Variants in CHST8 observed in about 807,000 individuals in gnomAD.
CHST8 encodes the protein carbohydrate sulfotransferase 8.
Under a neutral mutation model 15.0 loss-of-function variants are expected in CHST8, and 10 were observed. That is an observed-to-expected ratio of 0.67 (90% CI 0.41 to 1.13). The LOEUF is 1.13. CHST8 is among the 50% of genes most tolerant of loss of function. CHST8 has a pLI of 0.00. For missense variants in CHST8, 634 were observed against 608.2 expected (o/e 1.04, Z -0.45); for synonymous variants, 259 against 256.6 (o/e 1.01, Z -0.09).
At chr19:33,707,771 TTAGGAG>T (rs1466024552) in intron 3 of CHST8, among the ~76,000 whole-genome samples, 7 of 152,184 alleles carry the variant, frequency 4.6e-5, no homozygotes, top group Non-Finnish European at 7.3e-5. Flanking sequence ...GGGTAAATAT[TTAGGAG>T]TAGAATGGCT....
chr19:33,748,137 A>C (rs1005005685), intron 3 of CHST8, among the ~76,000 whole-genome samples: 1 of 152,190 alleles, frequency 6.6e-6, no homozygotes, highest in African/African-American at 2.4e-5. Context: ...GGCTGTTCGC[A>C]CTGTCTGATC....
At chr19:33,677,379 G>A (rs113317413) in intron 2 of CHST8, among the ~76,000 whole-genome samples, 2,648 of 152,308 alleles carry the variant, frequency 0.017, 36 homozygotes, top group African/African-American at 0.041. Context: ...CAGGATGGTA[G>A]AAAAGAGGCT....
intron 1 of CHST8, among the ~76,000 whole-genome samples, chr19:33,636,201 G>A (rs1972198210): frequency 6.6e-6 from 1 of 151,866 alleles, no homozygotes; most frequent in Non-Finnish European, 1.5e-5. Context: ...AATTTGATGC[G>A]GCAGACCTGT....
At chr19:33,736,166 A>G (rs1333651371) in intron 3 of CHST8, among the ~76,000 whole-genome samples, 1 of 152,156 alleles carries the variant, frequency 6.6e-6, no homozygotes, top group African/African-American at 2.4e-5. Flanking sequence ...TTGAACTGAG[A>G]CTTGGACTGA....
intron 3 of CHST8, among the ~76,000 whole-genome samples, chr19:33,737,229 C>G (rs529179096): frequency 1.3e-5 from 2 of 152,334 alleles, no homozygotes; most frequent in African/African-American, 4.8e-5. Flanking sequence ...TATGGAATAG[C>G]CACTTTTTAT....
rs868619524 is a variant in CHST8, at chr19:33,773,141, C to A, written c.*78C>A. 7.1e-5 allele frequency: 102 copies of A among 1,438,850 alleles called. No individual in the cohort carries two copies. In the African/African-American group the frequency reaches 1.2e-3, roughly 18 times the overall value. 89.1% of individuals were successfully genotyped at this position (1,438,850 alleles called of 1,614,324 possible). On this transcript the variant is annotated 3_prime_UTR_variant, in exon 5 of 5. Transcript: ENST00000650847. ...CCGGGCATCCTCCTGTCCCTGGCTC[C>A]TCATCCTGGGAGCAACAGGGCTCTG...
chr19:33,722,555 T>C (rs1490377043), intron 3 of CHST8, among the ~76,000 whole-genome samples: 1 of 152,176 alleles, frequency 6.6e-6, no homozygotes, highest in South Asian at 2.1e-4. Context: ...CCTGTGGTCT[T>C]GTCATCAGGC....
chr19:33,771,046 A>G (rs1252757614), intron 3 of CHST8, among the ~76,000 whole-genome samples: 3 of 152,102 alleles, frequency 2.0e-5, no homozygotes, highest in African/African-American at 7.2e-5. Flanking sequence ...CTGTGACTTA[A>G]TGACATGGTG....
At chr19:33,649,361 G>GA (rs879583585) in intron 1 of CHST8, among the ~76,000 whole-genome samples, 12 of 152,048 alleles carry the variant, frequency 7.9e-5, no homozygotes, top group Non-Finnish European at 1.5e-4. Flanking sequence ...GATGTCAGCT[G>GA]AAAAAACACA....
chr19:33,705,088 G>A (rs75014809), intron 3 of CHST8, among the ~76,000 whole-genome samples: 2,635 of 152,152 alleles, frequency 0.017, 38 homozygotes, highest in Non-Finnish European at 0.025. Context: ...CTAAACCCCC[G>A]TAGGGCTGAG....
At chr19:33,735,858 C>G (rs1302586642) in intron 3 of CHST8, among the ~76,000 whole-genome samples, 1 of 152,184 alleles carries the variant, frequency 6.6e-6, no homozygotes, top group African/African-American at 2.4e-5. Context: ...AATCACATTC[C>G]CCACCTTTTA....
rs148111362 is a variant in CHST8 at position 33,772,707 on chromosome 19, C to G, written c.919C>G (p.Arg307Gly). Residue 307 changes from arginine (R) to glycine (G), a missense_variant, in exon 5 of 5, where the codon CGT (arginine) becomes GGT (glycine). By Grantham distance (125) the Arg-to-Gly change is moderately radical. Coordinates refer to ENST00000650847, the MANE Select transcript of CHST8 (RefSeq NM_001127895.2). ...REALRTGSGVRFPEFVQYLLD... is the reference protein window; with the variant it reads ...REALRTGSGVGFPEFVQYLLD... ...GGCCCTGCGGACCGGCTCTGGGGTG[C>G]GTTTTCCCGAGTTCGTCCAGTACCT... 119 of 1,613,440 alleles carry G rather than the reference C, an allele frequency of 7.4e-5. No individual in the cohort carries two copies. Among genetic ancestry groups the G allele is most frequent in the Admixed American group, 1.3e-4 (8 of 60,016 alleles).
chr19:33,640,532 T>C (rs1284877435), intron 1 of CHST8, among the ~76,000 whole-genome samples: 3 of 152,236 alleles, frequency 2.0e-5, no homozygotes, highest in African/African-American at 7.2e-5. Flanking sequence ...TGTTTTTAAT[T>C]TCTCCTGCTT....
At chr19:33,734,802 C>G (rs1372985293) in intron 3 of CHST8, among the ~76,000 whole-genome samples, 1 of 152,174 alleles carries the variant, frequency 6.6e-6, no homozygotes, top group Non-Finnish European at 1.5e-5. Context: ...CCCCCAGGGA[C>G]CTTCCTGACA....
intron 1 of CHST8, among the ~76,000 whole-genome samples, chr19:33,654,647 CT>C (rs1195854165): frequency 4.6e-5 from 7 of 151,952 alleles, no homozygotes; most frequent in Admixed American, 4.6e-4. Flanking sequence ...GCTTGGGATT[CT>C]TTTCATTCTG....
At chr19:33,706,338 CCATGTGTGTG>C (rs1374168729) in intron 3 of CHST8, among the ~76,000 whole-genome samples, 1 of 152,120 alleles carries the variant, frequency 6.6e-6, no homozygotes, top group African/African-American at 2.4e-5. Context: ...AGTCAGGTGC[CCATGTGTGTG>C]CATGTGTGTG....
chr19:33,752,497 G>T (rs1974440273), intron 3 of CHST8, among the ~76,000 whole-genome samples: 1 of 152,168 alleles, frequency 6.6e-6, no homozygotes, highest in African/African-American at 2.4e-5. Context: ...ATTCATATCT[G>T]AACCGATTCG....
At chr19:33,628,586 CT>C (rs1219469877) in intron 1 of CHST8, among the ~76,000 whole-genome samples, 3 of 152,196 alleles carry the variant, frequency 2.0e-5, no homozygotes, top group Admixed American at 2.0e-4. Flanking sequence ...TGCATCTACG[CT>C]GGTTGAAACT....
chr19:33,636,035 CAGATT>C lies in CHST8; in HGVS notation c.-164+13743_-164+13747del, dbSNP rs1356927502. On this transcript the variant is annotated intron_variant, in intron 1 of 4. Transcript: ENST00000650847. ...CACTTTTTTTTTTTTGGTGGGAAGA[CAGATT>C]AGAGAGGTTTATGCTTTTCTGTGAT... Among the ~76,000 whole-genome samples, 3 of 140,308 alleles carry C rather than the reference CAGATT, an allele frequency of 2.1e-5. No homozygotes were observed. The East Asian group carries it at 6.2e-4, about 29-fold the overall frequency. The allele number at this position is 140,308 out of a possible 152,430, so 92.0% of individuals were successfully genotyped here.
Sources: gnomAD v4.1 joint callset for allele counts (sites outside exome capture counted in the v4.1 genomes callset) on GRCh38, gnomAD v4.1.1 for gene constraint, MANE v1.5 for transcripts, NCBI Gene and HGNC (gene_info 2026-07-23, HGNC 2026-07-21) for gene names.